Variants in ATP11B observed in about 807,000 individuals in gnomAD.
ATP11B encodes ATPase phospholipid transporting 11B (putative).
A neutral mutation model predicts 157.8 loss-of-function variants in ATP11B; 81 were observed. The ratio of observed to expected loss-of-function variants is 0.51; its 90% CI spans 0.43 to 0.62. The LOEUF (loss-of-function observed/expected upper bound fraction) is 0.62, where lower values mean the gene tolerates loss of function less well. Among genes scored for constraint, ATP11B ranks in the 20% least tolerant of loss-of-function variants. The pLI is 0.00. For missense variants in ATP11B, 1,165 were observed against 1,402.2 expected, an observed-to-expected ratio of 0.83 and a Z score of 2.70; for synonymous variants, 451 against 469.4, an observed-to-expected ratio of 0.96 and a Z score of 0.51.
At chr3:182,876,536 G>A (rs1458693462) in intron 19 of ATP11B, among the ~76,000 whole-genome samples, 1 of 152,192 alleles carries the variant, frequency 6.6e-6, no homozygotes, top group Non-Finnish European at 1.5e-5. Context: ...ATAAAGAACA[G>A]AAATTTATTT....
At chr3:182,865,314 G>A in intron 12 of ATP11B, 142 bp from the exon 13 acceptor site, 1 of 702,696 alleles carries the variant, frequency 1.4e-6, no homozygotes, top group South Asian at 2.4e-5. Flanking sequence ...AATTGTGCTT[G>A]GATTATAAGA....
intron 4 of ATP11B, among the ~76,000 whole-genome samples, chr3:182,833,013 T>G (rs540809874): frequency 1.4e-4 from 22 of 152,164 alleles, no homozygotes; most frequent in Non-Finnish European, 1.6e-4. Context: ...AGGTAAAATA[T>G]CAGACAATAA....
chr3:182,894,386 A>C (rs1398878926), intron 25 of ATP11B, among the ~76,000 whole-genome samples: 2 of 152,108 alleles, frequency 1.3e-5, no homozygotes, highest in Non-Finnish European at 2.9e-5. Flanking sequence ...GGGTTTCTCT[A>C]TGTTGGTAAG....
chr3:182,890,415 GCTATTCCCAAGTA>G lies in ATP11B; in HGVS notation c.2982+872_2982+884del, dbSNP rs138537337. Among the ~76,000 whole-genome samples, 486 of 152,320 alleles carry G rather than the reference GCTATTCCCAAGTA, an allele frequency of 3.2e-3. 3 individuals are homozygous for G. Among genetic ancestry groups the G allele is most frequent in the African/African-American group, 0.011 (468 of 41,570 alleles). The stretch of plus-strand genomic sequence containing the variant: ...CTCAACAGATCTTTATTGAAGGCCA[GCTATTCCCAAGTA>G]CTATACTAGGCTCTGGTAAGTAACT... On this transcript the variant is annotated intron_variant, in intron 25 of 29. Transcript: ENST00000323116.
chr3:182,810,335 A>G (rs2108490308), intron 1 of ATP11B, among the ~76,000 whole-genome samples: 1 of 152,316 alleles, frequency 6.6e-6, no homozygotes, highest in Non-Finnish European at 1.5e-5. Flanking sequence ...CCACCTCAAA[A>G]TAAATAAATA....
At chr3:182,838,800 TAC>T (rs1553802111) in intron 7 of ATP11B, among the ~76,000 whole-genome samples, 1 of 150,770 alleles carries the variant, frequency 6.6e-6, no homozygotes, top group African/African-American at 2.4e-5. Context: ...TATATATATA[TAC>T]ACACACATAT....
chr3:182,885,520 T>A (rs1423850629), intron 22 of ATP11B, among the ~76,000 whole-genome samples: 1 of 152,152 alleles, frequency 6.6e-6, no homozygotes, highest in East Asian at 1.9e-4. Flanking sequence ...TTTCTAGCTT[T>A]TACTTGTAAT....
At chr3:182,813,119 T>A (rs9810591) in intron 1 of ATP11B, among the ~76,000 whole-genome samples, 108,222 of 152,122 alleles carry the variant, frequency 0.71, 38,972 homozygotes, top group Non-Finnish European at 0.77. Flanking sequence ...ATTCATCAGT[T>A]GATGAACACT....
chr3:182,797,972 A>C (rs1715737650), intron 1 of ATP11B, among the ~76,000 whole-genome samples: 2 of 152,242 alleles, frequency 1.3e-5, no homozygotes, highest in South Asian at 4.1e-4. Context: ...TCCTGTCTCT[A>C]GGAAAGAAAA....
chr3:182,893,237 C>CT lies in ATP11B; in HGVS notation c.2983-3454dup, dbSNP rs199787993. Among the ~76,000 whole-genome samples, 356 of 151,036 alleles carry CT rather than the reference C, an allele frequency of 2.4e-3. 3 individuals are homozygous for CT. The highest frequency in any genetic ancestry group is 0.017 in the Middle Eastern group (5 of 294). On this transcript the variant is annotated intron_variant, in intron 25 of 29. Transcript: ENST00000323116. ...TCTTGTTTAGTTTTTTTATTATTTACTTTTTTTTTACATGAATAAGTTCTT... is the reference window on the plus strand; with the variant it reads ...TCTTGTTTAGTTTTTTTATTATTTACTTTTTTTTTTACATGAATAAGTTCTT...
intron 10 of ATP11B, among the ~76,000 whole-genome samples, chr3:182,852,879 G>A (rs1013529997): frequency 6.6e-6 from 1 of 152,138 alleles, no homozygotes; most frequent in Non-Finnish European, 1.5e-5. Flanking sequence ...CACTTAAAAA[G>A]GCACTGTTTA....
At chr3:182,883,738 G>A (rs1290629010) in intron 21 of ATP11B, among the ~76,000 whole-genome samples, 3 of 150,772 alleles carry the variant, frequency 2.0e-5, no homozygotes, top group South Asian at 2.1e-4. Flanking sequence ...GGCGGATCAC[G>A]AGGTCAGGAG....
intron 1 of ATP11B, among the ~76,000 whole-genome samples, chr3:182,797,074 T>C (rs904697851): frequency 1.3e-5 from 2 of 152,226 alleles, no homozygotes; most frequent in Non-Finnish European, 2.9e-5. Context: ...TACTGGTACT[T>C]AATTCTTCCC....
At chr3:182,851,582 A>G (rs1225558584) in intron 10 of ATP11B, among the ~76,000 whole-genome samples, 2 of 152,244 alleles carry the variant, frequency 1.3e-5, no homozygotes, top group Admixed American at 6.5e-5. Flanking sequence ...AAATAATACA[A>G]TAGCATCTAT....
chr3:182,826,155 A>G (rs1487093487), intron 2 of ATP11B, among the ~76,000 whole-genome samples: 1 of 152,216 alleles, frequency 6.6e-6, no homozygotes, highest in African/African-American at 2.4e-5. Context: ...TAGGACAAGC[A>G]CAGAATTTAG....
intron 20 of ATP11B, 76 bp from the exon 21 acceptor site, chr3:182,880,803 A>G: frequency 2.4e-6 from 2 of 835,394 alleles, no homozygotes; most frequent in African/African-American, 1.8e-5. Context: ...TACTATAGTC[A>G]TTTCAGATAA....
At chr3:182,868,427 C>T (rs1368499954) in intron 15 of ATP11B, among the ~76,000 whole-genome samples, 1 of 151,000 alleles carries the variant, frequency 6.6e-6, no homozygotes, top group African/African-American at 2.4e-5. Context: ...TTATTCAACT[C>T]ACTGTTTTTC....
chr3:182,895,856 C>A (rs954595182), intron 25 of ATP11B, among the ~76,000 whole-genome samples: 1 of 152,026 alleles, frequency 6.6e-6, no homozygotes, highest in African/African-American at 2.4e-5. Flanking sequence ...GGCAGGATGT[C>A]TTCGTGGTGT....
At chr3:182,882,588 T>C (rs1395777926) in intron 21 of ATP11B, among the ~76,000 whole-genome samples, 1 of 152,070 alleles carries the variant, frequency 6.6e-6, no homozygotes, top group East Asian at 1.9e-4. Context: ...AAGTAACTTA[T>C]AAAGACCCTA....
Sources: allele counts gnomAD v4.1 joint callset (sites outside exome capture counted in the v4.1 genomes callset), GRCh38; gene constraint gnomAD v4.1.1; transcripts MANE v1.5; gene names NCBI Gene and HGNC (gene_info 2026-07-23, HGNC 2026-07-21).